TMEM132A: variants seen among roughly 807,000 people sequenced by gnomAD.
The protein encoded by TMEM132A is transmembrane protein 132A.
TMEM132A carries 48 observed loss-of-function variants against 69.9 expected under a neutral mutation model. That is an observed-to-expected ratio of 0.69 (90% confidence interval 0.55 to 0.87). TMEM132A has a LOEUF of 0.87. Ranked by LOEUF, TMEM132A falls within the 40% of genes least tolerant of loss-of-function variation. The pLI is 0.00. For missense variants in TMEM132A, 1,287 were observed against 1,407.2 expected (o/e 0.91, Z 1.37); for synonymous variants, 577 against 613.7 (o/e 0.94, Z 0.88).
chr11:60,935,537 C>A lies in TMEM132A; in HGVS notation c.2028+94C>A. ...GGAGGAAGGGACCCTGGTACCTCGA[C>A]CCCTTAGGGTTTTCAGAGTGAGGAC... On this transcript the variant is annotated intron_variant, in intron 10 of 10. Transcript: ENST00000453848. The surrounding 1 kb of genome is among the most constrained non-coding windows in gnomAD (Gnocchi z 5.0). 7.5e-7 allele frequency: 1 copy of A among 1,325,588 alleles called. No individual in the cohort carries two copies. The highest frequency in any genetic ancestry group is 1.0e-6 in the Non-Finnish European group (1 of 967,250). The allele number at this position is 1,325,588 out of a possible 1,614,324, so 82.1% of individuals were successfully genotyped here.
chr11:60,924,875 G>C (rs1293203799), intron 1 of TMEM132A, 142 bp downstream of exon 1: 1 of 617,118 alleles, frequency 1.6e-6, no homozygotes, highest in Non-Finnish European at 2.7e-6. Flanking sequence ...AGGTCGGAGA[G>C]TTCTTGCCCT....
intron 4 of TMEM132A, 98 bp from the exon 5 acceptor site, chr11:60,930,412 G>A: frequency 1.4e-6 from 2 of 1,382,386 alleles, no homozygotes; most frequent in Non-Finnish European, 1.9e-6. Flanking sequence ...ACTGGAGCCA[G>A]GGAGGTCAGA....
chr11:60,927,909 C>A, intron 3 of TMEM132A, 50 bp downstream of exon 3: 1 of 1,513,946 alleles, frequency 6.6e-7, no homozygotes, highest in Non-Finnish European at 9.0e-7. Context: ...CTGCATCAGC[C>A]AGGTGGTGGG....
chr11:60,936,781 G>A lies in TMEM132A; in HGVS notation c.2946G>A (p.Gly982=). ...PPAQSPEEPV[G]APAVQSILVA... ...CCCAGTCACCTGAGGAGCCTGTAGG[G>A]GCCCCTGCTGTGCAGTCCATCCTTG... Residue 982 remains glycine, a synonymous_variant, in exon 11 of 11, where the codon GGG becomes GGA. Coordinates refer to ENST00000453848, the MANE Select transcript of TMEM132A (RefSeq NM_178031.3). The A allele has an allele frequency of 6.2e-7, 1 of 1,613,250 alleles. No individual in the cohort carries two copies. Among genetic ancestry groups the A allele is most frequent in the Non-Finnish European group, 8.5e-7 (1 of 1,179,716 alleles).
At chr11:60,934,013 C>A in intron 8 of TMEM132A, 1 of 510,012 alleles carries the variant, frequency 2.0e-6, no homozygotes, top group Non-Finnish European at 3.4e-6. Context: ...GTTAATGTTG[C>A]CTGTCCATCC....
chr11:60,934,680 C>T lies in TMEM132A; in HGVS notation c.1752C>T (p.His584=), dbSNP rs747759500. The change falls in exon 9 of 11, where the codon CAC becomes CAT. Residue 584 remains histidine, a synonymous_variant. Transcript: ENST00000453848. ...ACGTGTCCCACCTCGTGGCGCCACA[C>T]GCCCGCGTGCTGGACTCGCGTGTAG... ...LLDVSHLVAP[H]ARVLDSRVAS... is the part of the protein sequence containing the mutation. 10 of 1,602,634 alleles carry T rather than the reference C, an allele frequency of 6.2e-6. No homozygotes were observed. The highest frequency in any genetic ancestry group is 1.1e-5 in the South Asian group (1 of 90,690).
chr11:60,934,398 G>C, intron 8 of TMEM132A, 90 bp from the exon 9 acceptor site: 1 of 1,193,692 alleles, frequency 8.4e-7, no homozygotes, highest in Non-Finnish European at 1.1e-6. Flanking sequence ...GGAGCCGCCG[G>C]GGACGAGCTG....
intron 1 of TMEM132A, 88 bp from the exon 2 acceptor site, chr11:60,927,116 C>T: frequency 9.3e-7 from 1 of 1,076,932 alleles, no homozygotes; most frequent in African/African-American, 1.5e-5. Flanking sequence ...CCTCCCTTGC[C>T]CACAACTACT....
chr11:60,927,729 C>G lies in TMEM132A; in HGVS notation c.404C>G (p.Ala135Gly). 1 of 1,613,588 alleles carries G rather than the reference C, an allele frequency of 6.2e-7. No homozygotes were observed. Among genetic ancestry groups the G allele is most frequent in the South Asian group, 1.1e-5 (1 of 91,088 alleles). Residue 135 changes from alanine (A) to glycine (G), a missense_variant, in exon 3 of 11, where the codon GCA becomes GGA. Transcript: ENST00000453848. ...TCAGTGGAAGCGGCTGTGACTCCAG[C>G]AGAGCCCTACGCCCGGGTTCTCTTC... is the stretch of plus-strand genomic sequence containing the variant. ...AVSVEAAVTPAEPYARVLFHL... is the reference protein window; with the variant it reads ...AVSVEAAVTPGEPYARVLFHL...
Position 60,934,510 on chromosome 11 carries a change from G to A in TMEM132A, c.1582G>A (p.Ala528Thr). The change falls in exon 9 of 11, where the codon GCG becomes ACG. Residue 528 changes from alanine (A) to threonine (T), a missense_variant. By Grantham distance (58) the Ala-to-Thr change is moderately conservative (BLOSUM62 0). Coordinates refer to ENST00000453848, the MANE Select transcript of TMEM132A (RefSeq NM_178031.3). Reference protein sequence around the residue: ...AEGPAEPAAEASDEAERRARG... With the variant: ...AEGPAEPAAETSDEAERRARG... ...CAGGCCTGCGGAACCCGCTGCAGAG[G>A]CGTCGGATGAGGCCGAGCGGCGCGC... The A allele has an allele frequency of 4.2e-6, 6 of 1,419,434 alleles. No homozygotes were observed. Among genetic ancestry groups the A allele is most frequent in the Non-Finnish European group, 5.5e-6 (6 of 1,095,848 alleles). The allele number at this position is 1,419,434 out of a possible 1,614,324, so 87.9% of individuals were successfully genotyped here.
chr11:60,928,600 T>A (rs1189813957), intron 3 of TMEM132A, 29 bp from the exon 4 acceptor site: 2 of 1,596,470 alleles, frequency 1.3e-6, no homozygotes, highest in East Asian at 2.2e-5. Flanking sequence ...CCCACCCCCA[T>A]GCCAATTACT....
chr11:60,932,119 G>A lies in TMEM132A; in HGVS notation c.1348G>A (p.Val450Ile), dbSNP rs764062754. The change falls in exon 7 of 11, where the codon GTC becomes ATC. Residue 450 changes from valine (V) to isoleucine (I), a missense_variant. Transcript: ENST00000453848. ...HVGCESANTQVLQVSEACDAV... is the reference protein window; with the variant it reads ...HVGCESANTQILQVSEACDAV... ...CGGCTGCGAGTCTGCCAACACACAG[G>A]TCCTGCAGGTGAGTGGCAGGTGCCC... is the stretch of plus-strand genomic sequence containing the variant. 2.0e-6 allele frequency: 3 copies of A among 1,536,522 alleles called. No homozygotes were observed. Among genetic ancestry groups the A allele is most frequent in the East Asian group, 4.5e-5 (2 of 44,330 alleles).
At chr11:60,928,052 G>A (rs1276320024) in intron 3 of TMEM132A, among the ~76,000 whole-genome samples, 193 bp downstream of exon 3, 1 of 152,208 alleles carries the variant, frequency 6.6e-6, no homozygotes, top group African/African-American at 2.4e-5. Context: ...TCAGTCCTTG[G>A]TGTGTGACTT....
chr11:60,933,521 C>T (rs1439968710), intron 7 of TMEM132A, 21 bp from the exon 8 acceptor site: 3 of 1,597,820 alleles, frequency 1.9e-6, no homozygotes, highest in Admixed American at 1.7e-5. Flanking sequence ...GCCCGCCCAC[C>T]TGCCCTCTGC....
chr11:60,930,771 C>T, intron 5 of TMEM132A, 112 bp downstream of exon 5: 1 of 1,079,966 alleles, frequency 9.3e-7, no homozygotes, highest in Non-Finnish European at 1.3e-6. Flanking sequence ...GTGAGCAGAC[C>T]CAAGGACAGA....
chr11:60,931,604 G>C (rs940353415), intron 5 of TMEM132A, 85 bp from the exon 6 acceptor site: 15 of 1,343,950 alleles, frequency 1.1e-5, no homozygotes, highest in Admixed American at 8.2e-5. Flanking sequence ...TGTGTAAAAT[G>C]GGGATAATCA....
At position 60,931,821 on chromosome 11, in the gene TMEM132A, C is replaced by G. The variant is rs898514078; in HGVS notation, c.1149C>G (p.Asp383Glu). 4 of 1,614,094 alleles carry G rather than the reference C, an allele frequency of 2.5e-6. No individual in the cohort carries two copies. The highest frequency in any genetic ancestry group is 4.5e-5 in the East Asian group (2 of 44,902). ...YPGQAPEAEK[D>E]KMVWEILVSE... ...GCCAGGCCCCTGAAGCAGAGAAGGA[C>G]AAAATGGTGTGGGAAATCCTGGTGT... Residue 383 changes from aspartate (D) to glutamate (E), a missense_variant, in exon 6 of 11, where the codon GAC becomes GAG. Physicochemically the swap from Asp to Glu is conservative, Grantham distance 45 (BLOSUM62 2). Transcript: ENST00000453848.
chr11:60,929,904 C>CA (rs1236820846), intron 4 of TMEM132A, among the ~76,000 whole-genome samples: 1 of 1,268 alleles, frequency 7.9e-4, no homozygotes, highest in Admixed American at 0.045. Flanking sequence ...CAGAAAGGGG[C>CA]CCCAGTGGTA....
intron 1 of TMEM132A, 114 bp downstream of exon 1, chr11:60,924,847 C>A: frequency 1.4e-6 from 1 of 709,912 alleles, no homozygotes; most frequent in Non-Finnish European, 2.2e-6. Flanking sequence ...TGAGCGGGGT[C>A]GCCCCGCAGC....
Sources: gnomAD v4.1 joint callset for allele counts (sites outside exome capture counted in the v4.1 genomes callset) on GRCh38, gnomAD v4.1.1 for gene constraint, Gnocchi (gnomAD v3.1) non-coding constraint, MANE v1.5 for transcripts, NCBI Gene and HGNC (gene_info 2026-07-23, HGNC 2026-07-21) for gene names.